The following NRXN3 variants were observed in gnomAD, a reference collection of about 807,000 sequenced individuals.
The protein encoded by NRXN3 is neurexin III.
NRXN3 carries 32 observed loss-of-function variants against 137.6 expected under a neutral mutation model. That is an observed-to-expected ratio of 0.23 (90% CI 0.18 to 0.31). The LOEUF (loss-of-function observed/expected upper bound fraction) is 0.31, where lower values mean the gene tolerates loss of function less well. Among genes scored for constraint, NRXN3 ranks in the 10% least tolerant of loss-of-function variants. The pLI is 1.00. For missense variants in NRXN3, 1,574 were observed against 2,062.5 expected (o/e 0.76, Z 4.59); for synonymous variants, 798 against 784.5 (o/e 1.02, Z -0.29).
At chr14:79,172,482 G>A (rs1469519130) in intron 15 of NRXN3, among the ~76,000 whole-genome samples, 1 of 152,062 alleles carries the variant, frequency 6.6e-6, no homozygotes, top group Non-Finnish European at 1.5e-5. Context: ...AGGAAGGAAG[G>A]AAAGGTCTTT....
chr14:78,413,964 G>A (rs944837350), intron 4 of NRXN3, among the ~76,000 whole-genome samples: 2 of 152,148 alleles, frequency 1.3e-5, no homozygotes, highest in African/African-American at 4.8e-5. Context: ...CAGTGAGTAA[G>A]TCTTATGAGA....
In NRXN3 at chr14:79,854,761, A is replaced by C. The variant is rs192513683; in HGVS notation, c.4094-6581A>C. On this transcript the variant is annotated intron_variant, in intron 20 of 20. Coordinates refer to ENST00000335750, the MANE Select transcript of NRXN3 (RefSeq NM_001330195.2). The stretch of plus-strand genomic sequence containing the variant: ...TTTGCATCTTTTTAAAATTCCTTAA[A>C]AAGCATTTAGGAAATTAGTTCTTTT... Among the ~76,000 whole-genome samples, 62 of 152,294 alleles carry C rather than the reference A, an allele frequency of 4.1e-4. No homozygotes were observed. The East Asian group carries it at 0.01, about 25-fold the overall frequency.
intron 15 of NRXN3, chr14:79,201,705 T>A (rs1164895496): frequency 1.3e-5 from 2 of 152,222 alleles, no homozygotes; most frequent in Non-Finnish European, 2.9e-5. Context: ...AAGGGGAAGT[T>A]AAGTAAGCAC....
intron 4 of NRXN3, among the ~76,000 whole-genome samples, chr14:78,550,381 T>A (rs895492284): frequency 7.9e-5 from 12 of 152,128 alleles, no homozygotes; most frequent in Non-Finnish European, 4.4e-5. Flanking sequence ...TGGTTTCTCC[T>A]TGACACTTCT....
chr14:78,914,000 C>T (rs958419825), intron 10 of NRXN3, among the ~76,000 whole-genome samples: 1 of 152,090 alleles, frequency 6.6e-6, no homozygotes. Context: ...AGTTCTGTGC[C>T]GGAGTCTCTG....
chr14:79,235,784 G>A (rs1194883611), intron 15 of NRXN3, among the ~76,000 whole-genome samples: 1 of 152,046 alleles, frequency 6.6e-6, no homozygotes, highest in African/African-American at 2.4e-5. Flanking sequence ...AAATGATTAG[G>A]TATGGATGTG....
intron 19 of NRXN3, among the ~76,000 whole-genome samples, chr14:79,708,982 TGA>T (rs142447936): frequency 2.9e-4 from 44 of 149,844 alleles, no homozygotes; most frequent in East Asian, 2.0e-3. Flanking sequence ...TGTGTGTGTG[TGA>T]GAGAGAGAGA....
intron 5 of NRXN3, among the ~76,000 whole-genome samples, chr14:78,646,565 A>G (rs375889332): frequency 6.6e-6 from 1 of 152,202 alleles, no homozygotes; most frequent in Non-Finnish European, 1.5e-5. Flanking sequence ...CTGTTTGATA[A>G]AAGTGTAACT....
intron 6 of NRXN3, among the ~76,000 whole-genome samples, chr14:78,664,267 A>G (rs935054802): frequency 6.6e-5 from 10 of 152,124 alleles, no homozygotes; most frequent in Admixed American, 2.0e-4. Flanking sequence ...TCTCCACCTT[A>G]AGACTTACCT....
At chr14:79,369,543 C>T (rs952253916) in intron 15 of NRXN3, among the ~76,000 whole-genome samples, 2 of 152,184 alleles carry the variant, frequency 1.3e-5, no homozygotes, top group African/African-American at 4.8e-5. Context: ...GACAGAGACA[C>T]TGAGAAATTT....
At chr14:79,094,367 T>A (rs927117343) in intron 15 of NRXN3, among the ~76,000 whole-genome samples, 2 of 152,326 alleles carry the variant, frequency 1.3e-5, no homozygotes, top group East Asian at 3.9e-4. Flanking sequence ...TCCATTTTTA[T>A]TAAAGCAGAA....
chr14:79,859,580 G>A (rs1406737064), intron 20 of NRXN3, among the ~76,000 whole-genome samples: 1 of 152,028 alleles, frequency 6.6e-6, no homozygotes, highest in Non-Finnish European at 1.5e-5. Flanking sequence ...TTCACTTGGA[G>A]TCCCCTAGAA....
At chr14:78,202,420 C>T (rs1467453184) in intron 1 of NRXN3, among the ~76,000 whole-genome samples, 1 of 152,160 alleles carries the variant, frequency 6.6e-6, no homozygotes, top group East Asian at 1.9e-4. Flanking sequence ...AATGGTGTGA[C>T]GTTTGTCAAG....
chr14:79,340,140 G>A (rs888795314), intron 15 of NRXN3, among the ~76,000 whole-genome samples: 9 of 150,096 alleles, frequency 6.0e-5, no homozygotes, highest in African/African-American at 1.5e-4. Context: ...CAGCCCCCTC[G>A]TTTGACCTCT....
At chr14:78,439,867 T>C (rs1472746349) in intron 4 of NRXN3, among the ~76,000 whole-genome samples, 1 of 152,194 alleles carries the variant, frequency 6.6e-6, no homozygotes, top group Non-Finnish European at 1.5e-5. Context: ...GTTGCATTTC[T>C]GACATCTCAT....
At chr14:79,676,006 T>C (rs113690444) in intron 17 of NRXN3, among the ~76,000 whole-genome samples, 225 of 152,212 alleles carry the variant, frequency 1.5e-3, no homozygotes, top group African/African-American at 5.2e-3. Context: ...ATGCCTTGCA[T>C]TGATCTTTCT....
At chr14:78,552,648 A>G (rs1259989819) in intron 4 of NRXN3, among the ~76,000 whole-genome samples, 1 of 152,190 alleles carries the variant, frequency 6.6e-6, no homozygotes, top group Non-Finnish European at 1.5e-5. Flanking sequence ...TATGGGCAAC[A>G]GGGAAAAATC....
intron 4 of NRXN3, among the ~76,000 whole-genome samples, chr14:78,375,191 G>C (rs2087594818): frequency 6.6e-6 from 1 of 152,176 alleles, no homozygotes; most frequent in South Asian, 2.1e-4. Context: ...CAGTGATTGG[G>C]AGCTCACTCT....
At chr14:78,310,819 A>G (rs2077892169) in intron 4 of NRXN3, among the ~76,000 whole-genome samples, 1 of 152,132 alleles carries the variant, frequency 6.6e-6, no homozygotes. Context: ...CCTTATCCTA[A>G]TAAGCAAAAC....
Sources: gnomAD v4.1 joint callset for allele counts (sites outside exome capture counted in the v4.1 genomes callset) on GRCh38, gnomAD v4.1.1 for gene constraint, MANE v1.5 for transcripts, NCBI Gene and HGNC (gene_info 2026-07-23, HGNC 2026-07-21) for gene names.